ALK: variants seen among roughly 807,000 people sequenced by gnomAD.
ALK encodes the protein ALK receptor tyrosine kinase, also known as ALK tyrosine kinase receptor.
Under a neutral mutation model 163.1 loss-of-function variants are expected in ALK, and 74 were observed. The ratio of observed to expected loss-of-function variants is 0.45; its 90% CI spans 0.38 to 0.55. The LOEUF (loss-of-function observed/expected upper bound fraction) is 0.55, where lower values mean the gene tolerates loss of function less well. Among genes scored for constraint, ALK ranks in the 20% least tolerant of loss-of-function variants. The pLI is 0.00. For missense variants in ALK, 2,063 were observed against 2,105.3 expected, an observed-to-expected ratio of 0.98 and a Z score of 0.39; for synonymous variants, 960 against 843.2, an observed-to-expected ratio of 1.14 and a Z score of -2.40.
At chr2:29,237,208 A>G (rs1450632030) in intron 13 of ALK, among the ~76,000 whole-genome samples, 1 of 152,226 alleles carries the variant, frequency 6.6e-6, no homozygotes, top group Non-Finnish European at 1.5e-5. Flanking sequence ...AGTCTAAGCC[A>G]TCATCATCTC....
chr2:29,473,817 T>G (rs931131483), intron 4 of ALK, among the ~76,000 whole-genome samples: 1 of 152,024 alleles, frequency 6.6e-6, no homozygotes, highest in Admixed American at 6.6e-5. Context: ...AATTGCACCA[T>G]TGCACTCCAG....
intron 3 of ALK, among the ~76,000 whole-genome samples, chr2:29,590,447 C>T (rs537754970): frequency 6.6e-6 from 1 of 152,252 alleles, no homozygotes; most frequent in South Asian, 2.1e-4. Flanking sequence ...TAGTGAGGTT[C>T]CTGAACCTTC....
At chr2:29,725,906 C>T (rs1190261610) in intron 1 of ALK, among the ~76,000 whole-genome samples, 1 of 152,232 alleles carries the variant, frequency 6.6e-6, no homozygotes, top group East Asian at 1.9e-4. Flanking sequence ...AGGTCACTCA[C>T]TGCATTTTCA....
intron 9 of ALK, among the ~76,000 whole-genome samples, chr2:29,276,788 C>A (rs895324349): frequency 6.6e-6 from 1 of 152,142 alleles, no homozygotes; most frequent in Non-Finnish European, 1.5e-5. Flanking sequence ...AAAGGTAAAT[C>A]TGTGGGGCCA....
At chr2:29,626,090 G>C (rs917726069) in intron 3 of ALK, among the ~76,000 whole-genome samples, 1 of 152,228 alleles carries the variant, frequency 6.6e-6, no homozygotes, top group Non-Finnish European at 1.5e-5. Context: ...GATGGTGTGT[G>C]TGTGCTATGG....
intron 1 of ALK, among the ~76,000 whole-genome samples, chr2:29,767,759 T>TC (rs1236687539): frequency 1.3e-5 from 2 of 152,112 alleles, no homozygotes; most frequent in Non-Finnish European, 2.9e-5. Flanking sequence ...CCCTGCCTCC[T>TC]CCCCCTGCCT....
chr2:29,745,419 T>A (rs1272887115), intron 1 of ALK, among the ~76,000 whole-genome samples: 2 of 152,210 alleles, frequency 1.3e-5, no homozygotes, highest in African/African-American at 4.8e-5. Flanking sequence ...AGAAGTTTGA[T>A]ATAAATGAAC....
intron 11 of ALK, among the ~76,000 whole-genome samples, chr2:29,268,687 A>G (rs529432009): frequency 5.1e-4 from 77 of 152,344 alleles, no homozygotes; most frequent in Non-Finnish European, 9.0e-4. Flanking sequence ...TGGATGCAGC[A>G]AGAGCTTCTC....
intron 4 of ALK, among the ~76,000 whole-genome samples, chr2:29,403,071 T>C (rs535064459): frequency 1.3e-3 from 193 of 152,298 alleles, no homozygotes; most frequent in African/African-American, 4.5e-3. Flanking sequence ...AAGTTGGCTT[T>C]GCTCCTGAGC....
rs116448970 is a variant in ALK at position 29,538,542 on chromosome 2, C to T, written c.953-6426G>A. Among the ~76,000 whole-genome samples the T allele has an allele frequency of 3.9e-3, 589 of 152,292 alleles. 4 individuals carry two copies. Among genetic ancestry groups the T allele is most frequent in the Non-Finnish European group, 5.8e-3 (394 of 68,024 alleles). On this transcript the variant is annotated intron_variant, in intron 3 of 28. Coordinates refer to ENST00000389048, the MANE Select transcript of ALK (RefSeq NM_004304.5). Reference sequence around the variant, plus strand: ...GCCATTGCCTTGCTTCCAGTACAGCCTGCAGAACCATGAGCCAATTACACC... The same window carrying T: ...GCCATTGCCTTGCTTCCAGTACAGCTTGCAGAACCATGAGCCAATTACACC...
In ALK at chr2:29,588,366, G is replaced by A. The variant is rs575502383; in HGVS notation, c.953-56250C>T. ...GCGTCTCAGCCTCCCGAGTAGCTGG[G>A]ATTACAGGCACCCACCACCATGCCT... On this transcript the variant is annotated intron_variant, in intron 3 of 28. Transcript: ENST00000389048. 3.9e-5 allele frequency among the ~76,000 whole-genome samples: 6 copies of A among 152,208 alleles called. No homozygotes were observed. The South Asian group carries it at 1.2e-3, about 32-fold the overall frequency.
intron 11 of ALK, among the ~76,000 whole-genome samples, chr2:29,272,970 G>C (rs545391695): frequency 2.6e-5 from 4 of 152,190 alleles, no homozygotes; most frequent in Non-Finnish European, 5.9e-5. Context: ...AACAGCAACT[G>C]TCCCTGGGCC....
At chr2:29,798,889 A>C (rs1480239563) in intron 1 of ALK, among the ~76,000 whole-genome samples, 1 of 152,226 alleles carries the variant, frequency 6.6e-6, no homozygotes, top group Non-Finnish European at 1.5e-5. Flanking sequence ...CATCGGTGTG[A>C]TGGCGAGGAC....
intron 4 of ALK, among the ~76,000 whole-genome samples, chr2:29,393,615 TGG>T (rs1669232485): frequency 6.6e-6 from 1 of 152,204 alleles, no homozygotes; most frequent in South Asian, 2.1e-4. Flanking sequence ...ACAAAGACAT[TGG>T]GTCTTCATTT....
At chr2:29,540,897 C>A (rs962213648) in intron 3 of ALK, among the ~76,000 whole-genome samples, 3 of 152,122 alleles carry the variant, frequency 2.0e-5, no homozygotes, top group Non-Finnish European at 4.4e-5. Context: ...CATGAACTCA[C>A]AAAGTTCGTT....
rs1341382173 is a variant in ALK, at chr2:29,920,694, G to A, written c.-35C>T. On this transcript the variant is annotated 5_prime_UTR_variant, in exon 1 of 29. Transcript: ENST00000389048. ...GGAGGCCGTTTACACTGCTCTCCGG[G>A]CCCAGCCTCACCCTTCGCTCTCCCC... The A allele has an allele frequency of 4.0e-6, 6 of 1,512,012 alleles. No homozygotes were observed. The highest frequency in any genetic ancestry group is 3.6e-5 in the South Asian group (3 of 83,268). 93.7% of individuals were successfully genotyped at this position (1,512,012 alleles called of 1,614,324 possible).
chr2:29,807,931 T>C (rs1021953308), intron 1 of ALK, among the ~76,000 whole-genome samples: 2 of 151,876 alleles, frequency 1.3e-5, no homozygotes, highest in Admixed American at 6.6e-5. Context: ...AGAGAGAGAG[T>C]TTCAATTAGG....
intron 8 of ALK, among the ~76,000 whole-genome samples, chr2:29,314,593 T>C (rs752375267): frequency 1.3e-4 from 20 of 152,094 alleles, no homozygotes; most frequent in Non-Finnish European, 1.8e-4. Flanking sequence ...CCACCACAAA[T>C]TGGGGGGATC....
At chr2:29,883,722 A>G (rs1376948557) in intron 1 of ALK, among the ~76,000 whole-genome samples, 1 of 152,228 alleles carries the variant, frequency 6.6e-6, no homozygotes, top group Non-Finnish European at 1.5e-5. Context: ...TTAAATATGG[A>G]TAACCTTTGA....
Sources: gnomAD v4.1 joint callset for allele counts (sites outside exome capture counted in the v4.1 genomes callset) on GRCh38, gnomAD v4.1.1 for gene constraint, MANE v1.5 for transcripts, NCBI Gene and HGNC (gene_info 2026-07-23, HGNC 2026-07-21) for gene names.